Variants in OXNAD1 observed in about 807,000 individuals in gnomAD.
OXNAD1 encodes oxidoreductase NAD-binding domain-containing protein 1.
A neutral mutation model predicts 32.9 loss-of-function variants in OXNAD1; 34 were observed. That is an observed-to-expected ratio of 1.03 (90% CI 0.79 to 1.38). OXNAD1 has a LOEUF of 1.38. Among genes scored for constraint, OXNAD1 ranks in the 40% most tolerant of loss-of-function variants. The pLI, the probability that OXNAD1 is intolerant of heterozygous loss-of-function variation, is 0.00. For missense variants in OXNAD1, 407 were observed against 379.4 expected (o/e 1.07, Z -0.60); for synonymous variants, 134 against 135.2 (o/e 0.99, Z 0.06).
Position 16,321,549 on chromosome 3 carries a change from C to A in OXNAD1, c.*31-15563C>A, listed in dbSNP as rs2069055886. On this transcript the variant is annotated intron_variant, in intron 9 of 9. Coordinates refer to the OXNAD1 transcript ENST00000435829. This position sits in a 1 kb window ranked among gnomAD's most constrained non-coding sequence, Gnocchi z 4.8. ...CAGCTGAGGAGTGAGGAGGGGACAC[C>A]CAGTGCAGAAGATTCTTCCAAGGAG... 6.6e-6 allele frequency among the ~76,000 whole-genome samples: 1 copy of A among 152,066 alleles called. No homozygotes were observed. The highest frequency in any genetic ancestry group is 1.5e-5 in the Non-Finnish European group (1 of 68,008).
At position 16,344,652 on chromosome 3, in the gene OXNAD1, AG is replaced by A. The variant is rs2071522282; in HGVS notation, c.*31-4523del. 6.6e-6 allele frequency among the ~76,000 whole-genome samples: 1 copy of A among 152,172 alleles called. No individual in the cohort carries two copies. Among genetic ancestry groups the A allele is most frequent in the African/African-American group, 2.4e-5 (1 of 41,430 alleles). Reference sequence around the variant, plus strand: ...AGATCACTGCACAAGCCCCTGAAAAAGATGTGAAACAGGCCAAGGCACAGGA... The same window carrying A: ...AGATCACTGCACAAGCCCCTGAAAAAATGTGAAACAGGCCAAGGCACAGGA... On this transcript the variant is annotated intron_variant, in intron 9 of 9. Coordinates refer to the OXNAD1 transcript ENST00000606098. The surrounding 1 kb of genome is among the most constrained non-coding windows in gnomAD (Gnocchi z 4.4).
chr3:16,307,330 G>A (rs961360337), downstream of OXNAD1, among the ~76,000 whole-genome samples: 15 of 152,136 alleles, frequency 9.9e-5, no homozygotes, highest in African/African-American at 1.7e-4. Flanking sequence ...GATGAGGTTC[G>A]GGGCTCTTAA....
chr3:16,289,693 CT>C lies in OXNAD1; in HGVS notation c.290+3246del, dbSNP rs775600766. On this transcript the variant is annotated intron_variant, in intron 5 of 8. Transcript: ENST00000285083. The surrounding 1 kb of genome is among the most constrained non-coding windows in gnomAD (Gnocchi z 4.9). The stretch of plus-strand genomic sequence containing the variant: ...TGTATTCCTTGGCATCTTTTTCAAA[CT>C]GTGTCCTCCCCCATTACTCATCTGG... 7.9e-4 allele frequency among the ~76,000 whole-genome samples: 120 copies of C among 152,318 alleles called. No individual in the cohort carries two copies. Among genetic ancestry groups the C allele is most frequent in the Non-Finnish European group, 1.3e-3 (89 of 68,032 alleles).
intron 9 of OXNAD1, among the ~76,000 whole-genome samples, chr3:16,333,156 C>A (rs2070494321): frequency 6.6e-6 from 1 of 152,190 alleles, no homozygotes; most frequent in African/African-American, 2.4e-5. Context: ...GGCAACAGTA[C>A]TTCAGCACTA....
At chr3:16,349,653 C>T (rs990855838) in exon 10 of OXNAD1, 5 of 152,252 alleles carry the variant, frequency 3.3e-5, no homozygotes, top group African/African-American at 1.2e-4. Context: ...TCCTATTTTA[C>T]TTGCTTTTCT....
At chr3:16,285,647 C>G (rs745927287) in intron 4 of OXNAD1, among the ~76,000 whole-genome samples, 1 of 152,158 alleles carries the variant, frequency 6.6e-6, no homozygotes, top group Admixed American at 6.5e-5. Flanking sequence ...TCAGATACAT[C>G]ATGTAAAAAT....
Position 16,289,014 on chromosome 3 carries a change from C to T in OXNAD1, c.290+2566C>T, listed in dbSNP as rs904521220. 1.3e-5 allele frequency among the ~76,000 whole-genome samples: 2 copies of T among 152,310 alleles called. No homozygotes were observed. The highest frequency in any genetic ancestry group is 6.5e-5 in the Admixed American group (1 of 15,302). On this transcript the variant is annotated intron_variant, in intron 5 of 8. Transcript: ENST00000285083. The surrounding 1 kb of genome is among the most constrained non-coding windows in gnomAD (Gnocchi z 4.9). ...CACATGCTTGCTTTCTACCAGCCAG[C>T]TCTGTGATGTGGTCAGTTTCCTTAT...
At chr3:16,292,857 T>C (rs2066521094) in intron 5 of OXNAD1, among the ~76,000 whole-genome samples, 2 of 152,232 alleles carry the variant, frequency 1.3e-5, no homozygotes, top group East Asian at 3.8e-4. Flanking sequence ...TTTCTGGACA[T>C]TCCGTTCTTT....
chr3:16,308,047 C>T (rs918174664), downstream of OXNAD1, among the ~76,000 whole-genome samples: 3 of 152,066 alleles, frequency 2.0e-5, no homozygotes, highest in Admixed American at 1.3e-4. This position sits in a 1 kb window ranked among gnomAD's most constrained non-coding sequence, Gnocchi z 4.4. Flanking sequence ...CTGCTATGTG[C>T]GGTCACTGAG....
intron 1 of OXNAD1, 85 bp from the exon 2 acceptor site, chr3:16,269,041 G>A (rs2064751659): frequency 1.6e-6 from 2 of 1,256,260 alleles, no homozygotes; most frequent in South Asian, 4.3e-5. Flanking sequence ...TGATTTTAAT[G>A]AGCCTTTCCT....
At chr3:16,291,457 TGTCTC>T (rs1286785732) in intron 5 of OXNAD1, among the ~76,000 whole-genome samples, 1 of 152,254 alleles carries the variant, frequency 6.6e-6, no homozygotes, top group East Asian at 1.9e-4. Flanking sequence ...TAATCTATTT[TGTCTC>T]TATGGATTTG....
At chr3:16,349,440 T>A (rs1360414984) in exon 10 of OXNAD1, 2 of 152,228 alleles carry the variant, frequency 1.3e-5, no homozygotes, top group African/African-American at 4.8e-5. Context: ...AGAGGAGGAA[T>A]GTTGAGCCTG....
At chr3:16,285,523 A>C (rs531956194) in intron 4 of OXNAD1, among the ~76,000 whole-genome samples, 1 of 152,344 alleles carries the variant, frequency 6.6e-6, no homozygotes, top group African/African-American at 2.4e-5. Context: ...AGAAACACAA[A>C]GCAGATGAAA....
At chr3:16,291,905 C>G (rs2066455223) in intron 5 of OXNAD1, among the ~76,000 whole-genome samples, 1 of 152,188 alleles carries the variant, frequency 6.6e-6, no homozygotes, top group Non-Finnish European at 1.5e-5. Context: ...TTGTTTGTCT[C>G]TTTGATTATA....
intron 9 of OXNAD1, chr3:16,347,903 T>C (rs1456069853): frequency 2.6e-5 from 4 of 152,204 alleles, no homozygotes; most frequent in Admixed American, 6.5e-5. Context: ...AAGTAACTTA[T>C]TAAGGATGTG....
rs2070826988 is a variant in OXNAD1 at position 16,336,135 on chromosome 3, C to G, written c.*31-977C>G. ...AGGGCCACTTCACCTCTACCTCTCC[C>G]TAGCAAGTGGAAGGCAGATGCTGGA... is the stretch of plus-strand genomic sequence containing the variant. On this transcript the variant is annotated intron_variant, in intron 9 of 9. Transcript: ENST00000435829. The surrounding 1 kb of genome is among the most constrained non-coding windows in gnomAD (Gnocchi z 6.0). 6.6e-6 allele frequency among the ~76,000 whole-genome samples: 1 copy of G among 152,224 alleles called. No individual in the cohort carries two copies. Among genetic ancestry groups the G allele is most frequent in the African/African-American group, 2.4e-5 (1 of 41,464 alleles).
rs2068495014 is a variant in OXNAD1 at position 16,317,158 on chromosome 3, T to C, written c.*30+13566T>C. 6.2e-7 allele frequency: 1 copy of C among 1,613,752 alleles called. No homozygotes were observed. Among genetic ancestry groups the C allele is most frequent in the African/African-American group, 1.3e-5 (1 of 74,956 alleles). ...CATTTTCTTCTGCTTGTTGTTTGTC[T>C]CTGGCACTGAGTTTACCTTTTGATT... On this transcript the variant is annotated intron_variant, in intron 9 of 9. Coordinates refer to the OXNAD1 transcript ENST00000435829. This position sits in a 1 kb window ranked among gnomAD's most constrained non-coding sequence, Gnocchi z 4.3.
At position 16,302,823 on chromosome 3, in the gene OXNAD1, G is replaced by A. The variant is rs1483875062; in HGVS notation, c.784+75G>A. On this transcript the variant is annotated intron_variant, in intron 8 of 8. Transcript: ENST00000285083. The surrounding 1 kb of genome is among the most constrained non-coding windows in gnomAD (Gnocchi z 4.2). The stretch of plus-strand genomic sequence containing the variant: ...ACACACCAGTTGGTTGAGCGTAGAT[G>A]CTTTATTGTTGGAAGCTGCTGGCTG... The A allele has an allele frequency of 1.8e-6, 2 of 1,127,690 alleles. No homozygotes were observed. The highest frequency in any genetic ancestry group is 2.6e-6 in the Non-Finnish European group (2 of 767,480). The allele number at this position is 1,127,690 out of a possible 1,614,324, so 69.9% of individuals were successfully genotyped here.
rs930178590 is a variant in OXNAD1, at chr3:16,305,072, T to C, written c.*1510T>C. On this transcript the variant is annotated 3_prime_UTR_variant, in exon 9 of 9. Transcript: ENST00000285083. This position sits in a 1 kb window ranked among gnomAD's most constrained non-coding sequence, Gnocchi z 4.5. ...GGGAATATGTGAAGCTCTGGATCACTACAAGGAGCCCTGACTTACCAGTTG... is the reference window on the plus strand; with the variant it reads ...GGGAATATGTGAAGCTCTGGATCACCACAAGGAGCCCTGACTTACCAGTTG... The C allele has an allele frequency of 2.6e-5, 4 of 152,276 alleles. No homozygotes were observed. The highest frequency in any genetic ancestry group is 9.7e-5 in the African/African-American group (4 of 41,432). The allele number at this position is 152,276 out of a possible 1,614,324, so 9.4% of individuals were successfully genotyped here. A position where few individuals can be genotyped will look rare whatever the true frequency, so the allele number is the denominator to read the frequency against.
Sources: allele counts gnomAD v4.1 joint callset (sites outside exome capture counted in the v4.1 genomes callset), GRCh38; gene constraint gnomAD v4.1.1; non-coding constraint Gnocchi (gnomAD v3.1); transcripts MANE v1.5; gene names NCBI Gene and HGNC (gene_info 2026-07-23, HGNC 2026-07-21).